Variants in PLS3 observed in about 807,000 individuals in gnomAD.
PLS3 encodes the protein plastin 3.
In PLS3, 11 loss-of-function variants were observed where a neutral mutation model predicts 46.5. The observed-to-expected ratio is 0.24, with a 90% CI of 0.15 to 0.39. The LOEUF (loss-of-function observed/expected upper bound fraction) is 0.39, where lower values mean the gene tolerates loss of function less well. Among genes scored for constraint, PLS3 ranks in the 10% least tolerant of loss-of-function variants. The pLI, the probability that PLS3 is intolerant of heterozygous loss-of-function variation, is 1.00. For synonymous variants in PLS3, 167 were observed against 162.2 expected (o/e 1.03, Z -0.22); for missense variants, 308 against 461.8 (o/e 0.67, Z 3.05).
chrX:115,641,791 T>A (rs1227175924), intron 9 of PLS3, among the ~76,000 whole-genome samples: 1 of 110,381 alleles, frequency 9.1e-6, no homozygotes, highest in Non-Finnish European at 1.9e-5. Context: ...TAAAACACTC[T>A]TTTGTCTCTT....
intron 1 of PLS3, among the ~76,000 whole-genome samples, chrX:115,565,975 A>C (rs782344838): frequency 7.1e-5 from 8 of 112,385 alleles, no homozygotes; most frequent in Non-Finnish European, 1.3e-4. Flanking sequence ...CTGGACAGAT[A>C]GATGATCTTA....
At chrX:115,626,021 T>C (rs1216809903) in intron 3 of PLS3, among the ~76,000 whole-genome samples, 1 of 112,291 alleles carries the variant, frequency 8.9e-6, no homozygotes, top group East Asian at 2.8e-4. Context: ...TCTTTCCTTG[T>C]GGAGAGAAAA....
At chrX:115,574,509 T>C (rs1050714538) in intron 1 of PLS3, among the ~76,000 whole-genome samples, 1 of 112,348 alleles carries the variant, frequency 8.9e-6, no homozygotes, top group Non-Finnish European at 1.9e-5. Flanking sequence ...TGCTAAACTG[T>C]AGAGTCAAAG....
intron 1 of PLS3, among the ~76,000 whole-genome samples, chrX:115,605,300 A>G (rs1556635150): frequency 8.9e-6 from 1 of 111,827 alleles, no homozygotes; most frequent in Non-Finnish European, 1.9e-5. Flanking sequence ...TCTGAGTTAC[A>G]TATGCAAAGT....
intron 9 of PLS3, among the ~76,000 whole-genome samples, chrX:115,640,784 A>G (rs782255781): frequency 3.6e-5 from 4 of 111,767 alleles, no homozygotes; most frequent in Admixed American, 2.9e-4. Context: ...ACCTTTTCCA[A>G]GTATTTGGAT....
chrX:115,571,802 C>A (rs1223706988), intron 1 of PLS3, among the ~76,000 whole-genome samples: 3 of 111,644 alleles, frequency 2.7e-5, no homozygotes, highest in African/African-American at 9.7e-5. Context: ...ATAAAGTAAA[C>A]CAATATGTTT....
At chrX:115,627,878 A>G (rs1556638677) in intron 3 of PLS3, among the ~76,000 whole-genome samples, 1 of 112,441 alleles carries the variant, frequency 8.9e-6, no homozygotes, top group Non-Finnish European at 1.9e-5. Context: ...GTGCTTACTA[A>G]CTATTCTCTC....
chrX:115,638,743 T>C (rs5987961), intron 8 of PLS3, among the ~76,000 whole-genome samples: 24,775 of 108,331 alleles, frequency 0.23, 2,750 homozygotes, highest in South Asian at 0.47. Flanking sequence ...GATGGAGTCT[T>C]GCTCTGTCGC....
chrX:115,600,222 A>G (rs890380697), intron 1 of PLS3, among the ~76,000 whole-genome samples: 1 of 110,738 alleles, frequency 9.0e-6, no homozygotes, highest in Non-Finnish European at 1.9e-5. Flanking sequence ...CCTGGGCTTC[A>G]GTGATCCTTC....
chrX:115,629,145 T>C, intron 3 of PLS3, 53 bp from the exon 4 acceptor site: 1 of 833,968 alleles, frequency 1.2e-6, no homozygotes, highest in South Asian at 2.4e-5. Flanking sequence ...AATATGCTTA[T>C]TGTGCATAGT....
intron 1 of PLS3, among the ~76,000 whole-genome samples, chrX:115,567,586 C>T (rs1464257450): frequency 9.2e-6 from 1 of 109,214 alleles, no homozygotes; most frequent in Non-Finnish European, 1.9e-5. Flanking sequence ...AGTGAGACCC[C>T]ATCTCAAAAG....
intron 15 of PLS3, among the ~76,000 whole-genome samples, chrX:115,648,695 G>A (rs782447442): frequency 9.0e-4 from 101 of 111,683 alleles, no homozygotes; most frequent in Non-Finnish European, 1.6e-3. Flanking sequence ...TTTGGAGTTA[G>A]GCACATTATT....
At chrX:115,593,710 CA>C (rs1235221311) in intron 1 of PLS3, 2 of 111,427 alleles carry the variant, frequency 1.8e-5, no homozygotes, top group African/African-American at 3.3e-5. Context: ...AATGATTAAG[CA>C]GGAATTTACG....
intron 1 of PLS3, among the ~76,000 whole-genome samples, chrX:115,564,037 A>G (rs782373412): frequency 5.0e-4 from 56 of 111,379 alleles, no homozygotes; most frequent in Non-Finnish European, 1.0e-3. Context: ...ACAGCTTTTC[A>G]TTGTCTTGGG....
intron 1 of PLS3, among the ~76,000 whole-genome samples, chrX:115,582,208 T>C (rs1409296523): frequency 8.0e-5 from 9 of 112,359 alleles, no homozygotes; most frequent in Non-Finnish European, 9.4e-5. Flanking sequence ...TGCTAATTGC[T>C]TTAGCCAATT....
chrX:115,607,782 C>A (rs782770565), intron 1 of PLS3, among the ~76,000 whole-genome samples: 14 of 112,105 alleles, frequency 1.2e-4, no homozygotes, highest in South Asian at 3.7e-4. Flanking sequence ...GGATTACAGG[C>A]GTGAGCCAGT....
chrX:115,631,916 G>T (rs2074780675), intron 5 of PLS3, among the ~76,000 whole-genome samples: 2 of 110,287 alleles, frequency 1.8e-5, no homozygotes, highest in Admixed American at 2.0e-4. Context: ...CAATTCTTAT[G>T]CCTCAGCCTC....
chrX:115,644,334 C>T (rs1556641410), intron 10 of PLS3, among the ~76,000 whole-genome samples: 1 of 110,895 alleles, frequency 9.0e-6, no homozygotes, highest in Non-Finnish European at 1.9e-5. Context: ...CGGTGGCTCA[C>T]GACTGTAATC....
In PLS3 at chrX:115,630,855, T is replaced by C. The variant is rs868976047; in HGVS notation, c.500+888T>C. On this transcript the variant is annotated intron_variant, in intron 5 of 15. Coordinates refer to ENST00000355899, the MANE Select transcript of PLS3 (RefSeq NM_005032.7). Reference sequence around the variant, plus strand: ...TATATGTATATATATGTATAATATATGTATATTATACATGTATATATGTAT... The same window carrying C: ...TATATGTATATATATGTATAATATACGTATATTATACATGTATATATGTAT... Among the ~76,000 whole-genome samples, 349 of 89,720 alleles carry C rather than the reference T, an allele frequency of 3.9e-3. 1 individual carries two copies. Among genetic ancestry groups the C allele is most frequent in the Non-Finnish European group, 5.9e-3 (286 of 48,855 alleles). 77.9% of individuals were successfully genotyped at this position (89,720 alleles called of 115,157 possible).
Sources: gnomAD v4.1 joint callset for allele counts (sites outside exome capture counted in the v4.1 genomes callset) on GRCh38, gnomAD v4.1.1 for gene constraint, MANE v1.5 for transcripts, NCBI Gene and HGNC (gene_info 2026-07-23, HGNC 2026-07-21) for gene names.